Variants in MEF2A observed in about 807,000 individuals in gnomAD.
MEF2A encodes myocyte-specific enhancer factor 2A.
MEF2A carries 28 observed loss-of-function variants against 55.8 expected under a neutral mutation model. The observed-to-expected ratio is 0.50, with a 90% CI of 0.37 to 0.69. MEF2A has a LOEUF of 0.69. MEF2A is among the 30% of genes least tolerant of loss of function. The pLI, the probability that MEF2A is intolerant of heterozygous loss-of-function variation, is 0.00. For synonymous variants in MEF2A, 239 were observed against 227.1 expected, an observed-to-expected ratio of 1.05 and a Z score of -0.47; for missense variants, 528 against 626.2, an observed-to-expected ratio of 0.84 and a Z score of 1.67.
chr15:99,661,343 T>C lies in MEF2A; in HGVS notation c.259-9980T>C, dbSNP rs577444748. ...ATATAAGGCATAAAAATCACTATCA[T>C]ATGGATAACTGGAAAGGAAAAAACT... On this transcript the variant is annotated intron_variant, in intron 4 of 11. Transcript: ENST00000557942. Among the ~76,000 whole-genome samples the C allele has an allele frequency of 4.6e-5, 7 of 151,692 alleles. No individual in the cohort carries two copies. The South Asian group carries it at 8.3e-4, about 18-fold the overall frequency.
chr15:99,645,518 C>T (rs373605940), intron 3 of MEF2A, 43 bp from the exon 4 acceptor site: 12 of 1,408,152 alleles, frequency 8.5e-6, no homozygotes, highest in Non-Finnish European at 1.1e-5. Flanking sequence ...TATTCAAGTA[C>T]TACTAATGCT....
At chr15:99,685,834 T>C (rs1298182709) in intron 7 of MEF2A, among the ~76,000 whole-genome samples, 1 of 152,198 alleles carries the variant, frequency 6.6e-6, no homozygotes, top group Non-Finnish European at 1.5e-5. Context: ...TAGAATGATT[T>C]AGGAAGGATT....
At chr15:99,666,613 A>AATAAT (rs1567374738) in intron 4 of MEF2A, among the ~76,000 whole-genome samples, 1 of 91,902 alleles carries the variant, frequency 1.1e-5, no homozygotes, top group South Asian at 4.6e-4. Context: ...ATAATAATAA[A>AATAAT]AAGATCAGCA....
chr15:99,612,663 C>G (rs2039485011), intron 2 of MEF2A, among the ~76,000 whole-genome samples: 1 of 152,130 alleles, frequency 6.6e-6, no homozygotes, highest in African/African-American at 2.4e-5. Context: ...TATGATTGTG[C>G]TACTGCGTTC....
chr15:99,637,987 CT>C (rs1470292106), intron 3 of MEF2A, among the ~76,000 whole-genome samples: 1 of 152,130 alleles, frequency 6.6e-6, no homozygotes, highest in Non-Finnish European at 1.5e-5. Flanking sequence ...AAACTGGTAT[CT>C]TGTGGTTTTA....
chr15:99,593,259 T>G (rs1969979545), intron 1 of MEF2A, among the ~76,000 whole-genome samples: 1 of 152,174 alleles, frequency 6.6e-6, no homozygotes, highest in Admixed American at 6.5e-5. Flanking sequence ...GTCTCCGTAT[T>G]CTTCTTGGCT....
intron 4 of MEF2A, among the ~76,000 whole-genome samples, chr15:99,650,410 A>G (rs1006694158): frequency 2.0e-5 from 3 of 152,230 alleles, no homozygotes; most frequent in Admixed American, 1.3e-4. Flanking sequence ...AGTAATGAAC[A>G]GAAAACTAGT....
chr15:99,605,279 G>A (rs1249204916), intron 2 of MEF2A, among the ~76,000 whole-genome samples: 3 of 152,094 alleles, frequency 2.0e-5, no homozygotes, highest in African/African-American at 7.2e-5. Context: ...TGTTCACTTT[G>A]AGCCAACCCA....
intron 2 of MEF2A, among the ~76,000 whole-genome samples, chr15:99,612,659 T>G (rs986795390): frequency 1.3e-5 from 2 of 152,124 alleles, no homozygotes; most frequent in African/African-American, 4.8e-5. Context: ...GAACTATGAT[T>G]GTGCTACTGC....
chr15:99,710,830 G>C (rs914329224), intron 11 of MEF2A, 70 bp downstream of exon 11: 3 of 1,526,582 alleles, frequency 2.0e-6, no homozygotes, highest in Non-Finnish European at 2.7e-6. Context: ...ATCAGTGACA[G>C]CCTTTTGCTC....
At chr15:99,609,053 C>T (rs900173689) in intron 2 of MEF2A, among the ~76,000 whole-genome samples, 1 of 152,158 alleles carries the variant, frequency 6.6e-6, no homozygotes, top group African/African-American at 2.4e-5. Context: ...TTGGAAAAGG[C>T]CCCTCTGATT....
chr15:99,627,640 A>G (rs755454184), intron 2 of MEF2A, among the ~76,000 whole-genome samples: 1 of 152,182 alleles, frequency 6.6e-6, no homozygotes, highest in Non-Finnish European at 1.5e-5. Flanking sequence ...GAATATTAGA[A>G]TTACATTTAG....
Position 99,712,938 on chromosome 15 carries a change from T to C in MEF2A, c.*167T>C, listed in dbSNP as rs1312169897. 1.6e-5 allele frequency: 13 copies of C among 798,362 alleles called. No individual in the cohort carries two copies. In the Admixed American group the frequency reaches 2.9e-4, roughly 18 times the overall value. The allele number at this position is 798,362 out of a possible 1,614,324, so 49.5% of individuals were successfully genotyped here. A position where few individuals can be genotyped will look rare whatever the true frequency, so the allele number is the denominator to read the frequency against. ...GTGAGTGTGTATGTGTGGGTGTGTG[T>C]TACATACACAGAATCAGGCACTTAC... On this transcript the variant is annotated 3_prime_UTR_variant, in exon 12 of 12. Transcript: ENST00000557942. This position sits in a 1 kb window ranked among gnomAD's most constrained non-coding sequence, Gnocchi z 4.1.
chr15:99,654,557 TAAATAA>T (rs2047374049), intron 4 of MEF2A, among the ~76,000 whole-genome samples: 1 of 133,362 alleles, frequency 7.5e-6, no homozygotes, highest in Non-Finnish European at 1.6e-5. Flanking sequence ...AATAAATAAA[TAAATAA>T]AAATAAATTA....
chr15:99,572,214 C>T (rs931698235), intron 1 of MEF2A, among the ~76,000 whole-genome samples: 3 of 152,110 alleles, frequency 2.0e-5, no homozygotes, highest in Non-Finnish European at 4.4e-5. Flanking sequence ...CACATGTCAG[C>T]CACGAAGGCC....
chr15:99,609,775 G>C (rs1567219723), intron 2 of MEF2A, among the ~76,000 whole-genome samples: 1 of 152,088 alleles, frequency 6.6e-6, no homozygotes, highest in Non-Finnish European at 1.5e-5. Context: ...CTGCCATTGT[G>C]TTACAAATTA....
chr15:99,647,309 C>T (rs1405882580), intron 4 of MEF2A, among the ~76,000 whole-genome samples: 1 of 152,046 alleles, frequency 6.6e-6, no homozygotes, highest in African/African-American at 2.4e-5. Context: ...AGCTTCTTAT[C>T]TTATAAATCT....
intron 2 of MEF2A, among the ~76,000 whole-genome samples, chr15:99,600,833 C>T (rs774534884): frequency 8.5e-5 from 13 of 152,070 alleles, no homozygotes; most frequent in Non-Finnish European, 1.8e-4. Flanking sequence ...AATGTAAATC[C>T]TCTAAGTTTG....
intron 1 of MEF2A, among the ~76,000 whole-genome samples, chr15:99,576,565 C>G (rs1004165918): frequency 2.6e-5 from 4 of 151,192 alleles, no homozygotes. Flanking sequence ...GGAAACCTTT[C>G]TTTTAAGTGA....
Sources: gnomAD v4.1 joint callset for allele counts (sites outside exome capture counted in the v4.1 genomes callset) on GRCh38, gnomAD v4.1.1 for gene constraint, Gnocchi (gnomAD v3.1) non-coding constraint, MANE v1.5 for transcripts, NCBI Gene and HGNC (gene_info 2026-07-23, HGNC 2026-07-21) for gene names.